CBFA2T2: variants seen among roughly 807,000 people sequenced by gnomAD.
CBFA2T2 encodes the protein CBFA2/RUNX1 partner transcriptional co-repressor 2, also known as protein CBFA2T2.
A neutral mutation model predicts 62.2 loss-of-function variants in CBFA2T2; 11 were observed. The observed-to-expected ratio is 0.18, with a 90% CI of 0.11 to 0.29. The LOEUF is 0.29. CBFA2T2 is among the 10% of genes least tolerant of loss of function. The probability of loss-of-function intolerance (pLI) is 1.00; values close to 1 mark genes in which losing one functional copy is unlikely to be tolerated. For synonymous variants in CBFA2T2, 295 were observed against 287.5 expected, an observed-to-expected ratio of 1.03 and a Z score of -0.27; for missense variants, 592 against 774.1, an observed-to-expected ratio of 0.76 and a Z score of 2.79.
chr20:33,640,598 C>A, intron 10 of CBFA2T2, 67 bp downstream of exon 10: 2 of 1,450,612 alleles, frequency 1.4e-6, no homozygotes, highest in South Asian at 1.2e-5. Flanking sequence ...GCCTTCCTCT[C>A]ATACGCTGGG....
chr20:33,581,891 A>T (rs766353873), intron 1 of CBFA2T2, among the ~76,000 whole-genome samples: 2 of 152,176 alleles, frequency 1.3e-5, no homozygotes, highest in Non-Finnish European at 2.9e-5. Flanking sequence ...TGGCAGAAAC[A>T]TAAGTGTGTG....
chr20:33,542,234 G>A (rs975479381), intron 1 of CBFA2T2, among the ~76,000 whole-genome samples: 2 of 152,110 alleles, frequency 1.3e-5, no homozygotes, highest in Non-Finnish European at 2.9e-5. Flanking sequence ...CTAGTACCTC[G>A]TTTTGCTCTT....
chr20:33,552,681 A>G (rs532881680), intron 1 of CBFA2T2, among the ~76,000 whole-genome samples: 1 of 152,298 alleles, frequency 6.6e-6, no homozygotes, highest in East Asian at 1.9e-4. Flanking sequence ...ACATTTAGGA[A>G]GTGAGACAAA....
At chr20:33,533,749 G>A (rs912413134) in intron 1 of CBFA2T2, among the ~76,000 whole-genome samples, 1 of 151,980 alleles carries the variant, frequency 6.6e-6, no homozygotes, top group Non-Finnish European at 1.5e-5. Flanking sequence ...TGAGGTGGGC[G>A]GATCACCTGA....
chr20:33,611,705 G>A (rs2015536222), intron 3 of CBFA2T2, among the ~76,000 whole-genome samples: 1 of 151,936 alleles, frequency 6.6e-6, no homozygotes, highest in African/African-American at 2.4e-5. Flanking sequence ...GGTAGAGATG[G>A]GATCTCTCTA....
intron 1 of CBFA2T2, among the ~76,000 whole-genome samples, chr20:33,583,934 G>A (rs144261543): frequency 7.5e-4 from 113 of 150,302 alleles, no homozygotes; most frequent in East Asian, 2.7e-3. Flanking sequence ...TTATTTATTT[G>A]TTTGTTTGTT....
intron 1 of CBFA2T2, among the ~76,000 whole-genome samples, chr20:33,525,768 C>T (rs918857312): frequency 1.3e-5 from 2 of 152,156 alleles, no homozygotes; most frequent in African/African-American, 4.8e-5. Flanking sequence ...TCTCCCACTA[C>T]AGCCTCCCAA....
intron 1 of CBFA2T2, among the ~76,000 whole-genome samples, chr20:33,579,397 G>A (rs1228612850): frequency 6.6e-6 from 1 of 151,576 alleles, no homozygotes; most frequent in African/African-American, 2.4e-5. Flanking sequence ...GTCTTTTGAT[G>A]GGCAGAAAAC....
At chr20:33,617,029 C>G (rs1338756310) in intron 3 of CBFA2T2, among the ~76,000 whole-genome samples, 1 of 152,060 alleles carries the variant, frequency 6.6e-6, no homozygotes, top group Non-Finnish European at 1.5e-5. Context: ...TAAGACCAGC[C>G]TGGGGAATGT....
chr20:33,565,492 A>G (rs139098324), intron 1 of CBFA2T2, among the ~76,000 whole-genome samples: 17 of 152,282 alleles, frequency 1.1e-4, no homozygotes, highest in African/African-American at 3.4e-4. Flanking sequence ...TCATATGACT[A>G]TGTCCATGCT....
At chr20:33,586,016 G>A (rs2014352162) in intron 1 of CBFA2T2, among the ~76,000 whole-genome samples, 1 of 152,116 alleles carries the variant, frequency 6.6e-6, no homozygotes, top group South Asian at 2.1e-4. Context: ...TGAATTCTAG[G>A]TTTTATTCTT....
At chr20:33,517,744 A>G (rs1364012929) in intron 1 of CBFA2T2, among the ~76,000 whole-genome samples, 2 of 149,792 alleles carry the variant, frequency 1.3e-5, no homozygotes, top group Non-Finnish European at 3.0e-5. Context: ...CTCCCGGTTC[A>G]AGCAATTCTC....
chr20:33,571,537 G>A (rs907069811), intron 1 of CBFA2T2, among the ~76,000 whole-genome samples: 1 of 151,872 alleles, frequency 6.6e-6, no homozygotes, highest in African/African-American at 2.4e-5. Flanking sequence ...ATATATTACC[G>A]CTGTCTAGGA....
At chr20:33,536,776 C>T (rs534164021) in intron 1 of CBFA2T2, among the ~76,000 whole-genome samples, 1 of 151,050 alleles carries the variant, frequency 6.6e-6, no homozygotes, top group Non-Finnish European at 1.5e-5. Flanking sequence ...GATGGGCGGC[C>T]GGGCAGAGAC....
chr20:33,563,201 GCTGTTTTCTT>G (rs1409298622), intron 1 of CBFA2T2, among the ~76,000 whole-genome samples: 4 of 152,096 alleles, frequency 2.6e-5, no homozygotes, highest in Admixed American at 6.6e-5. Flanking sequence ...TTGCTCCTAT[GCTGTTTTCTT>G]CTGTTTTCTT....
At chr20:33,569,501 A>G (rs891456433) in intron 1 of CBFA2T2, among the ~76,000 whole-genome samples, 5 of 152,206 alleles carry the variant, frequency 3.3e-5, no homozygotes, top group African/African-American at 1.2e-4. Context: ...CAAACAGGTA[A>G]TAAGTTCTCA....
intron 1 of CBFA2T2, among the ~76,000 whole-genome samples, chr20:33,519,386 C>T (rs1398929815): frequency 6.6e-6 from 1 of 152,160 alleles, no homozygotes; most frequent in Non-Finnish European, 1.5e-5. Context: ...GGGAGAATCG[C>T]TTGAACCCGG....
chr20:33,589,543 G>A (rs374392064), intron 1 of CBFA2T2, among the ~76,000 whole-genome samples: 2 of 152,202 alleles, frequency 1.3e-5, no homozygotes, highest in African/African-American at 2.4e-5. Context: ...GAGTAAAGAT[G>A]AATTCGTTTC....
chr20:33,604,877 A>G (rs1346193078), intron 1 of CBFA2T2, among the ~76,000 whole-genome samples: 2 of 152,232 alleles, frequency 1.3e-5, no homozygotes, highest in East Asian at 1.9e-4. Flanking sequence ...AAATGTGTCA[A>G]CTGTTCTCTG....
Sources: gnomAD v4.1 joint callset for allele counts (sites outside exome capture counted in the v4.1 genomes callset) on GRCh38, gnomAD v4.1.1 for gene constraint, MANE v1.5 for transcripts, NCBI Gene and HGNC (gene_info 2026-07-23, HGNC 2026-07-21) for gene names.